The following ABHD12 variants were observed in gnomAD, a reference collection of about 807,000 sequenced individuals.
ABHD12 encodes lysophosphatidylserine lipase ABHD12.
In ABHD12, 43 loss-of-function variants were observed where a neutral mutation model predicts 58.3. The ratio of observed to expected loss-of-function variants is 0.74; its 90% CI spans 0.58 to 0.95. The LOEUF (loss-of-function observed/expected upper bound fraction) is 0.95. ABHD12 is among the 40% of genes least tolerant of loss of function. The pLI is 0.00. For synonymous variants in ABHD12, 219 were observed against 211.2 expected (o/e 1.04, Z -0.32); for missense variants, 539 against 537.2 (o/e 1.00, Z -0.03).
In ABHD12 at chr20:25,390,476, G is replaced by GC. The variant is rs773039836; in HGVS notation, c.191+36_191+37insG. ...ACGCACCTGCGCAAAGTGAGGGACC[G>GC]GCCCCCCCCCCCCCCCCGCTCCGCG... On this transcript the variant is annotated intron_variant, in intron 1 of 12. Coordinates refer to ENST00000339157, the MANE Select transcript of ABHD12 (RefSeq NM_001042472.3). 5.4e-5 allele frequency: 56 copies of GC among 1,034,868 alleles called. 1 individual carries two copies. In the East Asian group the frequency reaches 7.7e-4, roughly 14 times the overall value. 64.1% of individuals were successfully genotyped at this position (1,034,868 alleles called of 1,614,324 possible). A position where few individuals can be genotyped will look rare whatever the true frequency, so the allele number is the denominator to read the frequency against.
At chr20:25,295,616 T>C (rs745625366), downstream of ABHD12, 3 of 1,613,982 alleles carry the variant, frequency 1.9e-6, no homozygotes, top group South Asian at 3.3e-5. Context: ...TCAAGGTGTT[T>C]GCAGACTATG....
At chr20:25,373,974 G>A (rs1011544677) in intron 1 of ABHD12, among the ~76,000 whole-genome samples, 46 of 152,190 alleles carry the variant, frequency 3.0e-4, no homozygotes, top group African/African-American at 1.1e-3. Flanking sequence ...GCCCAGACCA[G>A]AGTGTAGTGG....
At chr20:25,301,586 G>T (rs569988183) in intron 12 of ABHD12, among the ~76,000 whole-genome samples, 28 of 152,354 alleles carry the variant, frequency 1.8e-4, no homozygotes, top group African/African-American at 6.7e-4. Flanking sequence ...GCAGTGGGGT[G>T]GGGGCCTGTG....
intron 11 of ABHD12, among the ~76,000 whole-genome samples, chr20:25,302,953 C>G (rs867905667): frequency 2.6e-5 from 4 of 152,210 alleles, no homozygotes; most frequent in Non-Finnish European, 4.4e-5. Context: ...TACCAAGACC[C>G]AGGCTGCCTT....
chr20:25,327,186 G>T (rs2089190587), intron 2 of ABHD12, among the ~76,000 whole-genome samples: 1 of 152,210 alleles, frequency 6.6e-6, no homozygotes, highest in Non-Finnish European at 1.5e-5. Flanking sequence ...ACCCAAAGGG[G>T]TGCCAGGCGC....
At chr20:25,345,377 G>A (rs1176677684) in intron 1 of ABHD12, among the ~76,000 whole-genome samples, 1 of 152,058 alleles carries the variant, frequency 6.6e-6, no homozygotes, top group Non-Finnish European at 1.5e-5. Context: ...GAGCCACCGC[G>A]CCTGGCCGAT....
At chr20:25,388,800 T>C (rs1196254438) in intron 1 of ABHD12, among the ~76,000 whole-genome samples, 1 of 149,850 alleles carries the variant, frequency 6.7e-6, no homozygotes, top group Non-Finnish European at 1.5e-5. Context: ...TTTTTTTTTT[T>C]TTTTTGAGAC....
intron 1 of ABHD12, chr20:25,339,660 A>C: frequency 7.2e-7 from 1 of 1,392,296 alleles, no homozygotes; most frequent in East Asian, 4.1e-5. Context: ...AGACCCCACC[A>C]TGCCCCCCAC....
chr20:25,296,303 A>G, downstream of ABHD12: 1 of 1,578,122 alleles, frequency 6.3e-7, no homozygotes, highest in Admixed American at 1.7e-5. Context: ...AAAGTTCTGG[A>G]ATCCCATGTT....
intron 1 of ABHD12, among the ~76,000 whole-genome samples, chr20:25,351,328 A>G (rs2089597743): frequency 1.3e-5 from 2 of 152,178 alleles, no homozygotes; most frequent in Non-Finnish European, 2.9e-5. Flanking sequence ...CCCATAATCA[A>G]AGAATTACTG....
At chr20:25,388,598 C>G (rs766570978) in intron 1 of ABHD12, among the ~76,000 whole-genome samples, 4 of 151,944 alleles carry the variant, frequency 2.6e-5, no homozygotes, top group Non-Finnish European at 5.9e-5. Flanking sequence ...GTCTTCTTTC[C>G]CTTTGTTTTG....
intron 1 of ABHD12, among the ~76,000 whole-genome samples, chr20:25,379,975 G>A (rs1009166491): frequency 6.6e-6 from 1 of 152,008 alleles, no homozygotes; most frequent in African/African-American, 2.4e-5. Flanking sequence ...CAGGTATGCT[G>A]GGATTACAGG....
At chr20:25,335,748 A>G (rs1304816349) in intron 2 of ABHD12, among the ~76,000 whole-genome samples, 1 of 147,708 alleles carries the variant, frequency 6.8e-6, no homozygotes, top group Non-Finnish European at 1.5e-5. Flanking sequence ...ATAGGTGGGA[A>G]TCGAACAATG....
chr20:25,358,836 C>T (rs1476420701), intron 1 of ABHD12, among the ~76,000 whole-genome samples: 1 of 151,984 alleles, frequency 6.6e-6, no homozygotes, highest in Non-Finnish European at 1.5e-5. Flanking sequence ...TAAGGAGGTG[C>T]TATGTAGTCA....
chr20:25,315,891 T>C (rs1218344375), intron 5 of ABHD12, among the ~76,000 whole-genome samples: 1 of 152,028 alleles, frequency 6.6e-6, no homozygotes, highest in Non-Finnish European at 1.5e-5. Context: ...CCAGTGCAGA[T>C]GGCCCTCTGA....
chr20:25,331,469 T>C (rs917925590), intron 2 of ABHD12, among the ~76,000 whole-genome samples: 3 of 151,662 alleles, frequency 2.0e-5, no homozygotes, highest in Non-Finnish European at 4.4e-5. Flanking sequence ...ACAAAGATAC[T>C]CCTCGAGAAG....
rs753051876 is a variant in ABHD12, at chr20:25,308,511, A to G, written c.750-17T>C. 2 of 1,605,594 alleles carry G rather than the reference A, an allele frequency of 1.2e-6. No individual in the cohort carries two copies. Among genetic ancestry groups the G allele is most frequent in the Non-Finnish European group, 8.5e-7 (1 of 1,175,654 alleles). Reference sequence around the variant, plus strand: ...GTCGCCACGCTAGGAAAAAAGAAAAACAGCTTAGTTGAGTTATGATAAAAT... The same window carrying G: ...GTCGCCACGCTAGGAAAAAAGAAAAGCAGCTTAGTTGAGTTATGATAAAAT... On this transcript the variant is annotated splice_polypyrimidine_tract_variant and intron_variant, in intron 7 of 12. Transcript: ENST00000339157.
intron 1 of ABHD12, among the ~76,000 whole-genome samples, chr20:25,372,580 A>G (rs1431957463): frequency 6.6e-6 from 1 of 152,224 alleles, no homozygotes; most frequent in Admixed American, 6.5e-5. Context: ...GAATGACAAC[A>G]TAAAAAGTTA....
At chr20:25,298,530 C>T (rs2088586349), downstream of ABHD12, among the ~76,000 whole-genome samples, 1 of 152,210 alleles carries the variant, frequency 6.6e-6, no homozygotes. Context: ...GCTGAGATTA[C>T]AGTTGTGAAC....
Sources: gnomAD v4.1 joint callset for allele counts (sites outside exome capture counted in the v4.1 genomes callset) on GRCh38, gnomAD v4.1.1 for gene constraint, MANE v1.5 for transcripts, NCBI Gene and HGNC (gene_info 2026-07-23, HGNC 2026-07-21) for gene names.